Variants in FSTL4 observed in about 807,000 individuals in gnomAD.
The protein encoded by FSTL4 is follistatin-related protein 4.
FSTL4 carries 28 observed loss-of-function variants against 78.2 expected under a neutral mutation model. That is an observed-to-expected ratio of 0.36 (90% CI 0.27 to 0.49). The LOEUF (loss-of-function observed/expected upper bound fraction) is 0.49, where lower values mean the gene tolerates loss of function less well. FSTL4 is among the 20% of genes least tolerant of loss of function. The pLI, the probability that FSTL4 is intolerant of heterozygous loss-of-function variation, is 0.98. For missense variants in FSTL4, 922 were observed against 1,084.9 expected (o/e 0.85, Z 2.11); for synonymous variants, 422 against 440.5 (o/e 0.96, Z 0.53).
chr5:133,422,344 G>T (rs538335986), intron 3 of FSTL4, among the ~76,000 whole-genome samples: 12 of 152,242 alleles, frequency 7.9e-5, no homozygotes, highest in Non-Finnish European at 1.5e-4. Context: ...GTGGCAAAAG[G>T]AGAAGCAGGG....
chr5:133,292,781 C>T (rs1044947643), intron 6 of FSTL4, among the ~76,000 whole-genome samples: 2 of 151,738 alleles, frequency 1.3e-5, no homozygotes, highest in Non-Finnish European at 2.9e-5. Flanking sequence ...CCCACTGACT[C>T]TTTACAGCAA....
At chr5:133,733,044 C>T in the FSTL4 span, among the ~76,000 whole-genome samples, 1 of 152,170 alleles carries the variant, frequency 6.6e-6, no homozygotes, top group East Asian at 1.9e-4. Flanking sequence ...GTGCTTCAGC[C>T]CATGGGAGTT....
intron 14 of FSTL4, among the ~76,000 whole-genome samples, chr5:133,209,057 T>C (rs1033904470): frequency 2.6e-5 from 4 of 152,226 alleles, no homozygotes; most frequent in Non-Finnish European, 5.9e-5. Flanking sequence ...TCTGAAGTGC[T>C]TTCTTATTTT....
At chr5:133,339,259 A>G (rs1394869456) in intron 4 of FSTL4, among the ~76,000 whole-genome samples, 1 of 152,150 alleles carries the variant, frequency 6.6e-6, no homozygotes, top group African/African-American at 2.4e-5. Context: ...ACACGTGGTC[A>G]CTGATGGAAT....
intron 4 of FSTL4, among the ~76,000 whole-genome samples, chr5:133,344,108 T>A (rs1333076647): frequency 6.6e-6 from 1 of 152,216 alleles, no homozygotes; most frequent in African/African-American, 2.4e-5. Flanking sequence ...TGAATTCTTA[T>A]AGGCCTGAGA....
chr5:133,740,141 C>T, the FSTL4 span, among the ~76,000 whole-genome samples: 18 of 152,146 alleles, frequency 1.2e-4, no homozygotes, highest in African/African-American at 4.3e-4. Context: ...ACCTTGGCCT[C>T]CCAAAGTGCT....
the FSTL4 span, among the ~76,000 whole-genome samples, chr5:133,767,362 G>T: frequency 1.1e-4 from 17 of 152,294 alleles, no homozygotes; most frequent in South Asian, 4.2e-4. Context: ...GAGCCCTCAG[G>T]CACAGGGATG....
At chr5:133,540,720 CAAAAA>C (rs79162509) in intron 3 of FSTL4, among the ~76,000 whole-genome samples, 7 of 70,258 alleles carry the variant, frequency 1.0e-4, no homozygotes, top group African/African-American at 1.7e-4. Flanking sequence ...TTAACATAGG[CAAAAA>C]AAAAAAAAAA....
At chr5:133,463,902 A>T (rs1757646671) in intron 3 of FSTL4, among the ~76,000 whole-genome samples, 1 of 152,260 alleles carries the variant, frequency 6.6e-6, no homozygotes. Flanking sequence ...GGGGAAGCCA[A>T]GGACTGGCTT....
the FSTL4 span, among the ~76,000 whole-genome samples, chr5:133,730,325 T>G: frequency 6.6e-6 from 1 of 152,348 alleles, no homozygotes; most frequent in Middle Eastern, 3.4e-3. Flanking sequence ...GAGCCAACTA[T>G]TTTTCTTCTC....
intron 12 of FSTL4, among the ~76,000 whole-genome samples, chr5:133,217,628 C>T (rs1233868849): frequency 1.3e-5 from 2 of 152,196 alleles, no homozygotes; most frequent in African/African-American, 4.8e-5. Flanking sequence ...TTCTTCTATT[C>T]TTACGCTATC....
intron 6 of FSTL4, among the ~76,000 whole-genome samples, chr5:133,284,866 T>C (rs1337175548): frequency 6.6e-6 from 1 of 151,970 alleles, no homozygotes. Context: ...TGGGGTAGGG[T>C]AGGGGAGTAA....
At chr5:133,288,088 T>C (rs1466432978) in intron 6 of FSTL4, among the ~76,000 whole-genome samples, 7 of 152,262 alleles carry the variant, frequency 4.6e-5, no homozygotes, top group East Asian at 1.9e-4. Context: ...CTACATATAA[T>C]ATAAATGATT....
rs372012320 is a variant in FSTL4, at chr5:133,210,311, T to C, written c.1609-13A>G. 3 of 1,433,814 alleles carry C rather than the reference T, an allele frequency of 2.1e-6. No homozygotes were observed. Among genetic ancestry groups the C allele is most frequent in the African/African-American group, 1.4e-5 (1 of 71,448 alleles). The allele number at this position is 1,433,814 out of a possible 1,614,324, so 88.8% of individuals were successfully genotyped here. Reference sequence around the variant, plus strand: ...CCACACCTATGGACTTGAAAAAAAATAGTGACATGTTGTGAAAGCTGACAT... The same window carrying C: ...CCACACCTATGGACTTGAAAAAAAACAGTGACATGTTGTGAAAGCTGACAT... On this transcript the variant is annotated splice_polypyrimidine_tract_variant and intron_variant, in intron 13 of 15. Transcript: ENST00000265342.
chr5:133,613,105 C>G (rs1311281610), upstream of FSTL4, among the ~76,000 whole-genome samples: 1 of 152,238 alleles, frequency 6.6e-6, no homozygotes, highest in Non-Finnish European at 1.5e-5. Flanking sequence ...TAGCTGGGCC[C>G]AGAGGGTCCC....
intron 7 of FSTL4, among the ~76,000 whole-genome samples, chr5:133,240,750 T>G (rs750257): frequency 0.25 from 37,427 of 152,070 alleles, 4,931 homozygotes; most frequent in East Asian, 0.49. Flanking sequence ...TTCCTGTGCA[T>G]AACTGAGCTC....
At chr5:133,481,829 C>T (rs1464694866) in intron 3 of FSTL4, among the ~76,000 whole-genome samples, 1 of 152,156 alleles carries the variant, frequency 6.6e-6, no homozygotes, top group Non-Finnish European at 1.5e-5. Flanking sequence ...GCTGGGACAG[C>T]AGCTCAAGTG....
chr5:133,381,692 C>T (rs1249411587), intron 4 of FSTL4, among the ~76,000 whole-genome samples: 3 of 152,192 alleles, frequency 2.0e-5, no homozygotes, highest in Non-Finnish European at 4.4e-5. Context: ...GTATGCCATA[C>T]GTCATAATAG....
intron 14 of FSTL4, among the ~76,000 whole-genome samples, chr5:133,204,490 T>C (rs1750429684): frequency 1.3e-5 from 2 of 152,154 alleles, no homozygotes; most frequent in African/African-American, 4.8e-5. Flanking sequence ...CATCCATGAT[T>C]ATGGCCTTTG....
Sources: allele counts gnomAD v4.1 joint callset (sites outside exome capture counted in the v4.1 genomes callset), GRCh38; gene constraint gnomAD v4.1.1; transcripts MANE v1.5; gene names NCBI Gene and HGNC (gene_info 2026-07-23, HGNC 2026-07-21).